The following SHISA6 variants were observed in gnomAD, a reference collection of about 807,000 sequenced individuals.
SHISA6 encodes shisa family member 6, also known as protein shisa-6.
In SHISA6, 22 loss-of-function variants were observed where a neutral mutation model predicts 47.9. The ratio of observed to expected loss-of-function variants is 0.46; its 90% CI spans 0.33 to 0.66. The LOEUF is 0.66. Among genes scored for constraint, SHISA6 ranks in the 30% least tolerant of loss-of-function variants. The pLI is 0.02. For synonymous variants in SHISA6, 388 were observed against 337.8 expected, an observed-to-expected ratio of 1.15 and a Z score of -1.63; for missense variants, 680 against 764.6, an observed-to-expected ratio of 0.89 and a Z score of 1.30.
chr17:11,553,249 G>A (rs999728540), intron 4 of SHISA6, among the ~76,000 whole-genome samples: 4 of 152,128 alleles, frequency 2.6e-5, no homozygotes, highest in South Asian at 2.1e-4. Context: ...CCTCAGGAGT[G>A]GGGGCACTCT....
intron 2 of SHISA6, among the ~76,000 whole-genome samples, chr17:11,338,195 A>T (rs1436306908): frequency 6.6e-6 from 1 of 152,092 alleles, no homozygotes; most frequent in East Asian, 1.9e-4. Context: ...CACAGACTAG[A>T]TAGGAGTTTG....
intron 2 of SHISA6, among the ~76,000 whole-genome samples, chr17:11,269,061 T>TA (rs200283857): frequency 0.017 from 2,623 of 151,390 alleles, 90 homozygotes; most frequent in African/African-American, 0.058. Flanking sequence ...TTTTTTTTTT[T>TA]AATGGAGTCT....
chr17:11,380,403 A>C (rs1912970076), intron 3 of SHISA6: 2 of 152,174 alleles, frequency 1.3e-5, no homozygotes, highest in South Asian at 4.1e-4. Flanking sequence ...AAAAATCTGT[A>C]TCTGTGTATG....
At chr17:11,429,440 A>T (rs111767070) in intron 3 of SHISA6, among the ~76,000 whole-genome samples, 11 of 152,078 alleles carry the variant, frequency 7.2e-5, no homozygotes, top group Non-Finnish European at 1.5e-4. Flanking sequence ...GTTTCATCCC[A>T]TAGTGTTCAA....
intron 3 of SHISA6, among the ~76,000 whole-genome samples, chr17:11,519,611 C>G (rs2071612089): frequency 6.6e-6 from 1 of 152,056 alleles, no homozygotes; most frequent in Non-Finnish European, 1.5e-5. Flanking sequence ...ACGCCACTGA[C>G]CTGTACATAA....
At chr17:11,342,664 C>G (rs1422473376) in intron 2 of SHISA6, among the ~76,000 whole-genome samples, 1 of 152,166 alleles carries the variant, frequency 6.6e-6, no homozygotes, top group East Asian at 1.9e-4. Context: ...AACAACCAAC[C>G]CCTCCTTTTG....
intron 2 of SHISA6, among the ~76,000 whole-genome samples, chr17:11,313,315 C>T (rs897326339): frequency 2.0e-5 from 3 of 152,076 alleles, no homozygotes; most frequent in Non-Finnish European, 4.4e-5. Flanking sequence ...TGTTTAAATA[C>T]CACTTATATG....
At chr17:11,258,329 C>G (rs543130109) in intron 1 of SHISA6, among the ~76,000 whole-genome samples, 1 of 152,306 alleles carries the variant, frequency 6.6e-6, no homozygotes, top group South Asian at 2.1e-4. Context: ...AGAGACGTGG[C>G]AGAGGCCGAA....
At chr17:11,305,535 G>A (rs138163898) in intron 2 of SHISA6, among the ~76,000 whole-genome samples, 64 of 152,340 alleles carry the variant, frequency 4.2e-4, no homozygotes, top group African/African-American at 1.3e-3. Context: ...ATTGACTGAT[G>A]AAGCCCGCTT....
At chr17:11,465,139 G>C (rs186144577) in intron 3 of SHISA6, among the ~76,000 whole-genome samples, 17 of 152,214 alleles carry the variant, frequency 1.1e-4, no homozygotes, top group Non-Finnish European at 2.4e-4. Flanking sequence ...CAAAGGATCT[G>C]GTCCAACAAC....
intron 3 of SHISA6, among the ~76,000 whole-genome samples, chr17:11,430,811 C>T (rs1370309238): frequency 6.6e-6 from 1 of 152,198 alleles, no homozygotes; most frequent in African/African-American, 2.4e-5. Context: ...ATGCTTCTTA[C>T]TTTGGAACAG....
intron 2 of SHISA6, among the ~76,000 whole-genome samples, chr17:11,295,686 G>A (rs773701362): frequency 8.5e-5 from 13 of 152,110 alleles, no homozygotes; most frequent in Non-Finnish European, 1.6e-4. Context: ...TCATGGGGCC[G>A]GGTGCGGTGG....
At chr17:11,536,954 C>T (rs566961486) in intron 3 of SHISA6, among the ~76,000 whole-genome samples, 15 of 152,306 alleles carry the variant, frequency 9.8e-5, no homozygotes, top group African/African-American at 3.4e-4. Context: ...CAGGCTCACA[C>T]GAGCCAAAGC....
chr17:11,241,666 G>A lies in SHISA6; in HGVS notation c.244G>A (p.Ala82Thr), dbSNP rs1319229554. Residue 82 changes from alanine (A) to threonine (T), a missense_variant, in exon 1 of 6, where the codon GCG (alanine) becomes ACG (threonine). This residue lies in a region of SHISA6 where 559 missense variants were observed against 674.1 expected (regional missense o/e 0.83). Transcript: ENST00000441885. This position sits in a 1 kb window ranked among gnomAD's most constrained non-coding sequence, Gnocchi z 5.5. Reference protein sequence around the residue: ...SRRGQPAAAVAAAASAAVTYE... With the variant: ...SRRGQPAAAVTAAASAAVTYE... ...GCGGGGGCAGCCCGCGGCGGCTGTGGCGGCGGCGGCCAGCGCGGCCGTCAC... is the reference window on the plus strand; with the variant it reads ...GCGGGGGCAGCCCGCGGCGGCTGTGACGGCGGCGGCCAGCGCGGCCGTCAC... The A allele has an allele frequency of 8.2e-6, 12 of 1,458,968 alleles. No homozygotes were observed. The East Asian group carries it at 2.8e-4, about 35-fold the overall frequency. The allele number at this position is 1,458,968 out of a possible 1,614,324, so 90.4% of individuals were successfully genotyped here.
At chr17:11,302,006 A>G (rs1909945446) in intron 2 of SHISA6, among the ~76,000 whole-genome samples, 1 of 152,152 alleles carries the variant, frequency 6.6e-6, no homozygotes, top group Admixed American at 6.5e-5. Context: ...ATGAGGAAAA[A>G]GCAAAAACGG....
chr17:11,483,491 T>A (rs1916271554), intron 3 of SHISA6, among the ~76,000 whole-genome samples: 2 of 152,204 alleles, frequency 1.3e-5, no homozygotes, highest in East Asian at 3.9e-4. Context: ...ACAACATAAT[T>A]ACTCCAAAAA....
intron 3 of SHISA6, among the ~76,000 whole-genome samples, chr17:11,423,313 C>A (rs1275316514): frequency 1.4e-5 from 2 of 138,200 alleles, no homozygotes; most frequent in Non-Finnish European, 3.1e-5. Context: ...TCTATATATG[C>A]CTGTAACATA....
intron 3 of SHISA6, among the ~76,000 whole-genome samples, chr17:11,400,338 T>A (rs1466589425): frequency 6.6e-6 from 1 of 152,208 alleles, no homozygotes; most frequent in Non-Finnish European, 1.5e-5. Context: ...AACCAACTTC[T>A]TTTTGTGATG....
chr17:11,368,975 G>A (rs7207183), intron 2 of SHISA6, among the ~76,000 whole-genome samples: 75,839 of 152,054 alleles, frequency 0.5, 19,334 homozygotes, highest in Middle Eastern at 0.6. Flanking sequence ...ACTTAATTTA[G>A]TCTTCATCCC....
Sources: allele counts gnomAD v4.1 joint callset (sites outside exome capture counted in the v4.1 genomes callset), GRCh38; gene constraint gnomAD v4.1.1; regional missense constraint gnomAD v4.1.1; non-coding constraint Gnocchi (gnomAD v3.1); transcripts MANE v1.5; gene names NCBI Gene and HGNC (gene_info 2026-07-23, HGNC 2026-07-21).